TBXAS1: variants seen among roughly 807,000 people sequenced by gnomAD.
TBXAS1 encodes the protein thromboxane A synthase 1.
TBXAS1 carries 48 observed loss-of-function variants against 60.7 expected under a neutral mutation model. The observed-to-expected ratio is 0.79, with a 90% CI of 0.63 to 1.01. The LOEUF (loss-of-function observed/expected upper bound fraction) is 1.01. Ranked by LOEUF, TBXAS1 falls within the 50% of genes least tolerant of loss-of-function variation. The probability of loss-of-function intolerance (pLI) is 0.00; values close to 1 mark genes in which losing one functional copy is unlikely to be tolerated. For synonymous variants in TBXAS1, 287 were observed against 269.7 expected (o/e 1.06, Z -0.63); for missense variants, 685 against 686.3 (o/e 1.00, Z 0.02).
intron 1 of TBXAS1, among the ~76,000 whole-genome samples, chr7:139,848,185 A>G (rs959669593): frequency 2.1e-4 from 32 of 151,968 alleles, no homozygotes; most frequent in African/African-American, 7.3e-4. Context: ...GGATTTTGCT[A>G]TGTTGCCCAG....
intron 12 of TBXAS1, among the ~76,000 whole-genome samples, chr7:140,018,715 T>G (rs191549539): frequency 4.6e-5 from 7 of 152,314 alleles, no homozygotes; most frequent in Middle Eastern, 3.4e-3. Context: ...GTTAAATAAC[T>G]TGCCTAAGGC....
chr7:139,812,981 G>A lies in TBXAS1; in HGVS notation c.-79-16331G>A, dbSNP rs558310984. 3.3e-5 allele frequency among the ~76,000 whole-genome samples: 5 copies of A among 151,950 alleles called. No homozygotes were observed. The South Asian group carries it at 6.2e-4, about 19-fold the overall frequency. On this transcript the variant is annotated intron_variant, in intron 4 of 16. Transcript: ENST00000336425. ...CTGAGGCAGGAGAATCGCTTGAACC[G>A]GGGTGGCGGAGGTTGCAGTGAGCCA...
chr7:139,781,550 A>G (rs1796989121), intron 2 of TBXAS1, among the ~76,000 whole-genome samples: 1 of 152,190 alleles, frequency 6.6e-6, no homozygotes, highest in African/African-American at 2.4e-5. Context: ...GCAGAAAAGC[A>G]GCTGGGTGCT....
Position 139,852,623 on chromosome 7 carries a change from CAT to C in TBXAS1, c.90-19611_90-19610del, listed in dbSNP as rs1569501193. On this transcript the variant is annotated intron_variant, in intron 1 of 12. Transcript: ENST00000448866. This position sits in a 1 kb window ranked among gnomAD's most constrained non-coding sequence, Gnocchi z 4.4. ...AGATCTGGGGGATTACAGGAACAAA[CAT>C]GATGCAAGGGGATTATAAATATTTT... is the stretch of plus-strand genomic sequence containing the variant. Among the ~76,000 whole-genome samples the C allele has an allele frequency of 6.6e-6, 1 of 152,172 alleles. No homozygotes were observed. The highest frequency in any genetic ancestry group is 1.5e-5 in the Non-Finnish European group (1 of 68,034).
In TBXAS1 at chr7:139,785,298, A is replaced by G. The variant is rs946411028; in HGVS notation, c.-168-2040A>G. Among the ~76,000 whole-genome samples, 3 of 151,886 alleles carry G rather than the reference A, an allele frequency of 2.0e-5. No individual in the cohort carries two copies. The East Asian group carries it at 5.8e-4, about 29-fold the overall frequency. ...TGATCTCTAGATCTCTGAGGCTGGT[A>G]TTTGAATTGACATAGTCTCATTAGC... On this transcript the variant is annotated intron_variant, in intron 3 of 16. Transcript: ENST00000336425.
At chr7:139,875,499 G>A (rs1209652162) in intron 2 of TBXAS1, 86 bp from the exon 3 acceptor site, 1 of 1,077,866 alleles carries the variant, frequency 9.3e-7, no homozygotes, top group Non-Finnish European at 1.4e-6. Context: ...TTGTATTCTT[G>A]CTGTTCCAAA....
intron 4 of TBXAS1, among the ~76,000 whole-genome samples, chr7:139,806,617 T>C (rs79770065): frequency 6.6e-6 from 1 of 152,198 alleles, no homozygotes; most frequent in African/African-American, 2.4e-5. Context: ...TGAACACCTA[T>C]GCTCTGTTCC....
In TBXAS1 at chr7:140,020,211, G is replaced by C. The variant is rs1288350794; in HGVS notation, c.*112G>C. The stretch of plus-strand genomic sequence containing the variant: ...ACTGAAGTGATTGAAAGAGTGCCTG[G>C]CATGCAAGGATAAGAGGTTCTTTAC... On this transcript the variant is annotated 3_prime_UTR_variant, in exon 13 of 13. Transcript: ENST00000448866. 2 of 1,027,122 alleles carry C rather than the reference G, an allele frequency of 1.9e-6. No individual in the cohort carries two copies. Among genetic ancestry groups the C allele is most frequent in the African/African-American group, 3.1e-5 (2 of 63,838 alleles). 63.6% of individuals were successfully genotyped at this position (1,027,122 alleles called of 1,614,324 possible). A position where few individuals can be genotyped will look rare whatever the true frequency, so the allele number is the denominator to read the frequency against.
intron 1 of TBXAS1, among the ~76,000 whole-genome samples, chr7:139,856,722 C>T (rs530387593): frequency 4.6e-5 from 7 of 152,218 alleles, no homozygotes; most frequent in African/African-American, 1.7e-4. Flanking sequence ...GTGGAGTTTT[C>T]GAGCCTCTGA....
In TBXAS1 at chr7:139,870,673, G is replaced by A. The variant is rs184067080; in HGVS notation, c.90-1562G>A. Among the ~76,000 whole-genome samples, 80 of 152,302 alleles carry A rather than the reference G, an allele frequency of 5.3e-4. No homozygotes were observed. The East Asian group carries it at 0.012, about 23-fold the overall frequency. On this transcript the variant is annotated intron_variant, in intron 1 of 12. Coordinates refer to ENST00000448866, the MANE Select transcript of TBXAS1 (RefSeq NM_001061.7). ...ACTTGAACATGGACCTAAATGTGAC[G>A]TACTGGGAATTCATTCAAACCTATT...
intron 1 of TBXAS1, among the ~76,000 whole-genome samples, chr7:139,849,415 C>G (rs963138398): frequency 1.2e-4 from 18 of 151,972 alleles, no homozygotes; most frequent in Admixed American, 1.1e-3. Flanking sequence ...AAAAAACAAC[C>G]CACCAAAAAA....
chr7:139,853,616 G>A (rs535123219), intron 1 of TBXAS1, among the ~76,000 whole-genome samples: 8 of 152,144 alleles, frequency 5.3e-5, no homozygotes, highest in East Asian at 1.9e-4. Flanking sequence ...CTTTTATTAC[G>A]CAGGATCCAG....
chr7:139,910,008 T>G (rs1017860252), intron 3 of TBXAS1, among the ~76,000 whole-genome samples: 46 of 152,184 alleles, frequency 3.0e-4, no homozygotes, highest in Admixed American at 2.6e-4. Context: ...CCCTTATTCC[T>G]GGACTAACTT....
At chr7:139,782,744 C>G (rs1261907015) in intron 3 of TBXAS1, 1 of 152,178 alleles carries the variant, frequency 6.6e-6, no homozygotes, top group Non-Finnish European at 1.5e-5. Flanking sequence ...GTCACTATCT[C>G]AAGTTCTGTC....
intron 9 of TBXAS1, among the ~76,000 whole-genome samples, chr7:139,970,232 G>T (rs1363893088): frequency 6.6e-6 from 1 of 152,220 alleles, no homozygotes; most frequent in Non-Finnish European, 1.5e-5. Flanking sequence ...TCAGCCTCTC[G>T]AGTAGCTGGG....
intron 9 of TBXAS1, chr7:139,962,496 G>A (rs1452926313): frequency 1.2e-5 from 5 of 414,560 alleles, no homozygotes; most frequent in Non-Finnish European, 2.3e-5. Context: ...CCTGGCTCGA[G>A]GAAGCTGTGG....
intron 4 of TBXAS1, among the ~76,000 whole-genome samples, chr7:139,932,157 A>C (rs1807383862): frequency 7.5e-6 from 1 of 133,868 alleles, no homozygotes. Flanking sequence ...ACAGAGCGAG[A>C]CTCCATCTCA....
chr7:139,888,970 G>A (rs1486511130), intron 3 of TBXAS1, among the ~76,000 whole-genome samples: 1 of 151,988 alleles, frequency 6.6e-6, no homozygotes, highest in Non-Finnish European at 1.5e-5. Flanking sequence ...TGATAGCACA[G>A]GTGAGAGAGA....
intron 4 of TBXAS1, among the ~76,000 whole-genome samples, chr7:139,804,375 C>T (rs1797791561): frequency 6.6e-6 from 1 of 152,164 alleles, no homozygotes; most frequent in African/African-American, 2.4e-5. Flanking sequence ...TAGGAAATAA[C>T]TAACTTGCCT....
Sources: gnomAD v4.1 joint callset for allele counts (sites outside exome capture counted in the v4.1 genomes callset) on GRCh38, gnomAD v4.1.1 for gene constraint, Gnocchi (gnomAD v3.1) non-coding constraint, MANE v1.5 for transcripts, NCBI Gene and HGNC (gene_info 2026-07-23, HGNC 2026-07-21) for gene names.